ATP8A2: variants seen among roughly 807,000 people sequenced by gnomAD.
ATP8A2 encodes the protein phospholipid-transporting ATPase IB.
ATP8A2 carries 100 observed loss-of-function variants against 165.6 expected under a neutral mutation model. The observed-to-expected ratio is 0.60, with a 90% confidence interval of 0.51 to 0.71. The LOEUF (loss-of-function observed/expected upper bound fraction) is 0.71, where lower values mean the gene tolerates loss of function less well. Among genes scored for constraint, ATP8A2 ranks in the 30% least tolerant of loss-of-function variants. ATP8A2 has a pLI of 0.00. For missense variants in ATP8A2, 1,227 were observed against 1,479.5 expected (o/e 0.83, Z 2.80); for synonymous variants, 543 against 548.8 (o/e 0.99, Z 0.15).
intron 27 of ATP8A2, among the ~76,000 whole-genome samples, chr13:25,817,355 G>A (rs115307294): frequency 0.012 from 1,459 of 124,662 alleles, 31 homozygotes; most frequent in African/African-American, 0.036. Flanking sequence ...TTTTATGGGG[G>A]GGGGGGGAAA....
At chr13:25,654,574 T>G (rs2041885731) in intron 24 of ATP8A2, among the ~76,000 whole-genome samples, 1 of 152,162 alleles carries the variant, frequency 6.6e-6, no homozygotes, top group Non-Finnish European at 1.5e-5. Flanking sequence ...GGCCATCCTT[T>G]GGCTTTACAG....
chr13:25,890,217 CA>C (rs2138893307), intron 33 of ATP8A2, among the ~76,000 whole-genome samples: 1 of 152,176 alleles, frequency 6.6e-6, no homozygotes, highest in East Asian at 1.9e-4. Flanking sequence ...TTATATATAC[CA>C]AGGTTTCAAT....
chr13:25,764,440 G>T (rs1368914854), intron 25 of ATP8A2, among the ~76,000 whole-genome samples: 1 of 152,206 alleles, frequency 6.6e-6, no homozygotes, highest in Non-Finnish European at 1.5e-5. Flanking sequence ...TGTATCTTAT[G>T]CTATGGAAAT....
At chr13:25,715,975 A>T (rs1011577515) in intron 25 of ATP8A2, among the ~76,000 whole-genome samples, 1 of 152,216 alleles carries the variant, frequency 6.6e-6, no homozygotes, top group Non-Finnish European at 1.5e-5. Flanking sequence ...GTTCCACCAC[A>T]TCCTTGCCAA....
At chr13:25,754,758 AAG>A (rs2044226191) in intron 25 of ATP8A2, among the ~76,000 whole-genome samples, 1 of 152,180 alleles carries the variant, frequency 6.6e-6, no homozygotes, top group African/African-American at 2.4e-5. Flanking sequence ...AATATAGCAA[AAG>A]AGATTATTAT....
intron 1 of ATP8A2, among the ~76,000 whole-genome samples, chr13:25,447,019 C>A (rs964135936): frequency 1.6e-4 from 25 of 152,098 alleles, no homozygotes; most frequent in Non-Finnish European, 2.9e-5. Context: ...CCACACCTGG[C>A]CTTAAACCTA....
At chr13:25,550,691 C>A (rs1396883260) in intron 10 of ATP8A2, among the ~76,000 whole-genome samples, 1 of 152,186 alleles carries the variant, frequency 6.6e-6, no homozygotes, top group Admixed American at 6.5e-5. Context: ...ATTCAGGATG[C>A]CACTCAGCTT....
chr13:25,959,324 G>C (rs911099623), intron 33 of ATP8A2, among the ~76,000 whole-genome samples: 5 of 152,238 alleles, frequency 3.3e-5, no homozygotes, highest in African/African-American at 9.6e-5. Context: ...CCCAGATCCT[G>C]GTTTCCATAT....
intron 24 of ATP8A2, among the ~76,000 whole-genome samples, chr13:25,671,726 C>T (rs34017502): frequency 0.36 from 54,808 of 151,988 alleles, 10,758 homozygotes; most frequent in Middle Eastern, 0.46. Context: ...TCAATGACAA[C>T]GGTGGCCAAA....
intron 24 of ATP8A2, among the ~76,000 whole-genome samples, chr13:25,681,994 G>A (rs1163985408): frequency 3.9e-5 from 6 of 152,190 alleles, no homozygotes; most frequent in Non-Finnish European, 7.3e-5. Flanking sequence ...GGCTGAGAGA[G>A]CACTGCGGTC....
Position 26,014,979 on chromosome 13 carries a change from T to A in ATP8A2, c.3469+2357T>A, listed in dbSNP as rs186024579. Among the ~76,000 whole-genome samples the A allele has an allele frequency of 8.0e-4, 122 of 152,308 alleles. 1 individual carries two copies. The highest frequency in any genetic ancestry group is 2.0e-3 in the African/African-American group (85 of 41,570). On this transcript the variant is annotated intron_variant, in intron 36 of 36. Coordinates refer to ENST00000381655, the MANE Select transcript of ATP8A2 (RefSeq NM_016529.6). ...ACAGGGTCTGTTCTGTTGAGCCGTGTTGCCTCTCTGATGAATGTTTCAAAA... is the reference window on the plus strand; with the variant it reads ...ACAGGGTCTGTTCTGTTGAGCCGTGATGCCTCTCTGATGAATGTTTCAAAA...
intron 24 of ATP8A2, among the ~76,000 whole-genome samples, chr13:25,665,253 C>G (rs2042127601): frequency 6.6e-6 from 1 of 152,172 alleles, no homozygotes; most frequent in Non-Finnish European, 1.5e-5. Context: ...CAACCTGTCT[C>G]TAAGTCAAAA....
At chr13:25,654,622 C>T (rs1188515907) in intron 24 of ATP8A2, among the ~76,000 whole-genome samples, 1 of 152,136 alleles carries the variant, frequency 6.6e-6, no homozygotes, top group Non-Finnish European at 1.5e-5. Context: ...AGACAGTGGG[C>T]GGTACTGGGT....
intron 24 of ATP8A2, among the ~76,000 whole-genome samples, chr13:25,675,444 G>T (rs1349545255): frequency 6.6e-6 from 1 of 152,176 alleles, no homozygotes; most frequent in African/African-American, 2.4e-5. Context: ...AATCAGGCCT[G>T]GTGTAGAGGT....
At position 25,518,782 on chromosome 13, in the gene ATP8A2, C is replaced by T. The variant is rs78872099; in HGVS notation, c.222-11217C>T. Among the ~76,000 whole-genome samples the T allele has an allele frequency of 2.5e-3, 374 of 152,278 alleles. 14 individuals are homozygous for T. In the East Asian group the frequency reaches 0.067, roughly 27 times the overall value. On this transcript the variant is annotated intron_variant, in intron 2 of 36. Coordinates refer to ENST00000381655, the MANE Select transcript of ATP8A2 (RefSeq NM_016529.6). ...AGACCCAGACCCATATTTTGCCAGA[C>T]CCTATTTTCTAATGGATTGTTTCTG...
At chr13:25,416,977 G>A (rs2034149563) in intron 1 of ATP8A2, among the ~76,000 whole-genome samples, 2 of 151,646 alleles carry the variant, frequency 1.3e-5, no homozygotes, top group Admixed American at 1.3e-4. Flanking sequence ...GTACAGTCTT[G>A]AGCACTTTTG....
chr13:25,966,273 T>TA (rs1955774723), intron 34 of ATP8A2, among the ~76,000 whole-genome samples: 1 of 152,184 alleles, frequency 6.6e-6, no homozygotes, highest in African/African-American at 2.4e-5. Context: ...ATAAGGGACT[T>TA]ACTCTGTCAA....
At chr13:25,475,078 C>T (rs906901007) in intron 2 of ATP8A2, among the ~76,000 whole-genome samples, 3 of 152,064 alleles carry the variant, frequency 2.0e-5, no homozygotes, top group Non-Finnish European at 4.4e-5. Flanking sequence ...CCTTGGCCTC[C>T]CAAAGTGCTG....
chr13:25,847,733 A>T (rs115949337), intron 30 of ATP8A2, among the ~76,000 whole-genome samples: 1 of 152,102 alleles, frequency 6.6e-6, no homozygotes. Context: ...TTCCTGATGC[A>T]CTGGCATTAG....
Sources: allele counts gnomAD v4.1 joint callset (sites outside exome capture counted in the v4.1 genomes callset), GRCh38; gene constraint gnomAD v4.1.1; transcripts MANE v1.5; gene names NCBI Gene and HGNC (gene_info 2026-07-23, HGNC 2026-07-21).